DNAH11: variants seen among roughly 807,000 people sequenced by gnomAD.
DNAH11 encodes dynein axonemal heavy chain 11.
DNAH11 carries 442 observed loss-of-function variants against 526.0 expected under a neutral mutation model. The observed-to-expected ratio is 0.84, with a 90% CI of 0.78 to 0.91. The LOEUF (loss-of-function observed/expected upper bound fraction) is 0.91, where lower values mean the gene tolerates loss of function less well. Among genes scored for constraint, DNAH11 ranks in the 40% least tolerant of loss-of-function variants. The probability of loss-of-function intolerance (pLI) is 0.00; values close to 1 mark genes in which losing one functional copy is unlikely to be tolerated. For missense variants in DNAH11, 6,989 were observed against 5,448.7 expected, an observed-to-expected ratio of 1.28 and a Z score of -8.90; for synonymous variants, 2,461 against 1,935.9, an observed-to-expected ratio of 1.27 and a Z score of -7.12.
At chr7:21,557,162 A>G (rs573600435) in intron 2 of DNAH11, among the ~76,000 whole-genome samples, 1 of 152,260 alleles carries the variant, frequency 6.6e-6, no homozygotes, top group South Asian at 2.1e-4. Context: ...AGTTCTTCAC[A>G]AACTACCCGT....
At chr7:21,847,931 T>C (rs1238649896) in intron 66 of DNAH11, among the ~76,000 whole-genome samples, 2 of 152,022 alleles carry the variant, frequency 1.3e-5, no homozygotes, top group Non-Finnish European at 2.9e-5. Flanking sequence ...TTTGGGAGGC[T>C]GAGACGGGCG....
intron 30 of DNAH11, among the ~76,000 whole-genome samples, chr7:21,670,317 T>C (rs1453436679): frequency 6.6e-6 from 1 of 152,078 alleles, no homozygotes; most frequent in Non-Finnish European, 1.5e-5. Context: ...AATTTTTAAA[T>C]TTCATTTCCC....
At chr7:21,692,104 T>C (rs1212116692) in intron 35 of DNAH11, among the ~76,000 whole-genome samples, 1 of 152,232 alleles carries the variant, frequency 6.6e-6, no homozygotes, top group East Asian at 1.9e-4. Context: ...TTTGGTTCAG[T>C]TTTCCAGAAA....
chr7:21,720,334 A>T (rs1784825860), intron 43 of DNAH11, among the ~76,000 whole-genome samples: 1 of 152,304 alleles, frequency 6.6e-6, no homozygotes. Flanking sequence ...ACTTATTGAT[A>T]AGGAAAGATG....
At chr7:21,730,517 T>G (rs1270121826) in intron 45 of DNAH11, among the ~76,000 whole-genome samples, 1 of 152,218 alleles carries the variant, frequency 6.6e-6, no homozygotes, top group Non-Finnish European at 1.5e-5. Flanking sequence ...CTTTCAGCCT[T>G]TAACAAGAAG....
chr7:21,585,654 G>A (rs1373251839), intron 9 of DNAH11, among the ~76,000 whole-genome samples: 2 of 152,160 alleles, frequency 1.3e-5, no homozygotes, highest in Admixed American at 6.5e-5. Context: ...AAAAAAAATT[G>A]TCTAGAAAGG....
At chr7:21,591,130 A>G (rs1290783737) in intron 13 of DNAH11, 55 bp from the exon 14 acceptor site, 14 of 1,403,372 alleles carry the variant, frequency 1.0e-5, no homozygotes, top group African/African-American at 4.6e-5. Context: ...CCTTTAAGAC[A>G]GAGAAAATAG....
At chr7:21,628,261 T>G (rs2128457124) in intron 25 of DNAH11, among the ~76,000 whole-genome samples, 1 of 152,260 alleles carries the variant, frequency 6.6e-6, no homozygotes, top group East Asian at 1.9e-4. Flanking sequence ...ACTTCTACCT[T>G]CCAGTTTGAA....
At chr7:21,689,921 T>C (rs1783540729) in intron 34 of DNAH11, among the ~76,000 whole-genome samples, 1 of 152,194 alleles carries the variant, frequency 6.6e-6, no homozygotes, top group African/African-American at 2.4e-5. Context: ...CACATTACCA[T>C]TCATTGCCCT....
intron 81 of DNAH11, 182 bp from the exon 82 acceptor site, chr7:21,900,825 G>T (rs188788111): frequency 3.8e-5 from 35 of 912,146 alleles, no homozygotes; most frequent in Middle Eastern, 7.2e-4. Context: ...CGGTGCCTCC[G>T]CTGCAGGCAG....
At chr7:21,674,348 G>T (rs1387142405) in intron 30 of DNAH11, among the ~76,000 whole-genome samples, 1 of 151,748 alleles carries the variant, frequency 6.6e-6, no homozygotes, top group Non-Finnish European at 1.5e-5. Flanking sequence ...GAGCCACTGC[G>T]CCTGGTCTGT....
intron 2 of DNAH11, among the ~76,000 whole-genome samples, chr7:21,558,111 A>G (rs556509270): frequency 6.6e-6 from 1 of 152,234 alleles, no homozygotes; most frequent in Non-Finnish European, 1.5e-5. Context: ...TAAAATGTTT[A>G]TAAACTGGAC....
chr7:21,727,546 C>G (rs971887333), intron 45 of DNAH11, among the ~76,000 whole-genome samples: 5 of 152,204 alleles, frequency 3.3e-5, no homozygotes, highest in Admixed American at 2.6e-4. Context: ...ATAGATTGCT[C>G]TTCTGCATTT....
rs372745542 is a variant in DNAH11 at position 21,619,100 on chromosome 7, G to T, written c.4255G>T (p.Val1419Phe). ...GTCTAACTTTTTTTCCCCCAATCAG[G>T]TCAAGTTTTTAATAAATGAAGCCAC... ...HWHQLMKAIG[V>F]KFLINEATTL... The change falls in exon 24 of 82, where the codon GTC becomes TTC. Residue 1419 changes from valine (V) to phenylalanine (F), a missense_variant and splice_region_variant. By Grantham distance (50) the Val-to-Phe change is conservative. Transcript: ENST00000409508. 2.8e-5 allele frequency: 45 copies of T among 1,613,296 alleles called. No individual in the cohort carries two copies. Among genetic ancestry groups the T allele is most frequent in the Non-Finnish European group, 3.6e-5 (42 of 1,179,570 alleles).
chr7:21,612,780 A>T (rs937223860), intron 20 of DNAH11, among the ~76,000 whole-genome samples: 8 of 152,210 alleles, frequency 5.3e-5, no homozygotes, highest in Admixed American at 5.2e-4. Context: ...AGATACAAAC[A>T]TACTAAACAA....
At chr7:21,577,235 G>A (rs996194876) in intron 8 of DNAH11, among the ~76,000 whole-genome samples, 3 of 152,208 alleles carry the variant, frequency 2.0e-5, no homozygotes, top group Non-Finnish European at 4.4e-5. Flanking sequence ...AAGAAGATTT[G>A]TAAGCCATCA....
intron 66 of DNAH11, among the ~76,000 whole-genome samples, chr7:21,846,670 T>C (rs746451931): frequency 7.9e-5 from 12 of 152,232 alleles, no homozygotes; most frequent in Non-Finnish European, 1.5e-4. Flanking sequence ...AGTTGTTTTG[T>C]TTTTTCCTGT....
intron 65 of DNAH11, among the ~76,000 whole-genome samples, chr7:21,820,794 G>T (rs1790019861): frequency 6.6e-6 from 1 of 152,138 alleles, no homozygotes; most frequent in African/African-American, 2.4e-5. Context: ...TTAACTAAGG[G>T]ACCATGCTTT....
chr7:21,543,134 G>C lies in DNAH11; in HGVS notation c.-112G>C, dbSNP rs939584907. On this transcript the variant is annotated 5_prime_UTR_variant, in exon 1 of 82. Transcript: ENST00000409508. ...GTGGGAGACTAGGGTCTGCGCTCGC[G>C]GCGACCGCGGAGGAGGGTGGGCGCC... 11 of 1,433,072 alleles carry C rather than the reference G, an allele frequency of 7.7e-6. No individual in the cohort carries two copies. The highest frequency in any genetic ancestry group is 1.0e-5 in the Non-Finnish European group (11 of 1,100,832). 88.8% of individuals were successfully genotyped at this position (1,433,072 alleles called of 1,614,324 possible).
Sources: allele counts gnomAD v4.1 joint callset (sites outside exome capture counted in the v4.1 genomes callset), GRCh38; gene constraint gnomAD v4.1.1; transcripts MANE v1.5; gene names NCBI Gene and HGNC (gene_info 2026-07-23, HGNC 2026-07-21).